ASIC2: variants seen among roughly 807,000 people sequenced by gnomAD.
ASIC2 encodes the protein acid-sensing ion channel 2.
Under a neutral mutation model 57.3 loss-of-function variants are expected in ASIC2, and 25 were observed. That is an observed-to-expected ratio of 0.44 (90% confidence interval 0.32 to 0.61). The LOEUF (loss-of-function observed/expected upper bound fraction) is 0.61. Among genes scored for constraint, ASIC2 ranks in the 20% least tolerant of loss-of-function variants. ASIC2 has a pLI of 0.06. For missense variants in ASIC2, 641 were observed against 738.1 expected (o/e 0.87, Z 1.52); for synonymous variants, 319 against 307.5 (o/e 1.04, Z -0.39).
intron 1 of ASIC2, among the ~76,000 whole-genome samples, chr17:33,601,640 A>G (rs1298928546): frequency 6.6e-6 from 1 of 152,238 alleles, no homozygotes; most frequent in Non-Finnish European, 1.5e-5. Flanking sequence ...AAGTCACTGC[A>G]GAAAGTTCCC....
At chr17:33,627,517 G>A (rs936428256) in intron 1 of ASIC2, among the ~76,000 whole-genome samples, 1 of 152,214 alleles carries the variant, frequency 6.6e-6, no homozygotes, top group Admixed American at 6.5e-5. Context: ...TGCCACTGAT[G>A]AAAAGTGTCT....
chr17:33,234,470 C>T (rs933116977), intron 1 of ASIC2, among the ~76,000 whole-genome samples: 7 of 152,144 alleles, frequency 4.6e-5, no homozygotes, highest in Non-Finnish European at 5.9e-5. Context: ...TTCAGAGTGG[C>T]CCTCTTCTCT....
chr17:33,513,240 G>A (rs1447944685), intron 1 of ASIC2, among the ~76,000 whole-genome samples: 2 of 152,132 alleles, frequency 1.3e-5, no homozygotes, highest in African/African-American at 4.8e-5. Context: ...TCACTCTCCT[G>A]TGTTGTTTTG....
chr17:33,878,400 A>G (rs1914608178), intron 1 of ASIC2, among the ~76,000 whole-genome samples: 1 of 152,216 alleles, frequency 6.6e-6, no homozygotes, highest in African/African-American at 2.4e-5. Flanking sequence ...ACTAATGCAG[A>G]TAAGTCCTTA....
chr17:33,312,804 C>A (rs1212173748), intron 1 of ASIC2, among the ~76,000 whole-genome samples: 1 of 151,902 alleles, frequency 6.6e-6, no homozygotes, highest in Non-Finnish European at 1.5e-5. Flanking sequence ...GGCATGGTGG[C>A]GCATGCCTGT....
intron 1 of ASIC2, among the ~76,000 whole-genome samples, chr17:33,460,137 G>A (rs1454416695): frequency 6.6e-6 from 1 of 152,126 alleles, no homozygotes; most frequent in East Asian, 1.9e-4. Context: ...CCTGACCTCG[G>A]TGTCCAGATT....
At chr17:33,045,282 G>T (rs570506765) in intron 3 of ASIC2, among the ~76,000 whole-genome samples, 2 of 152,140 alleles carry the variant, frequency 1.3e-5, no homozygotes, top group Non-Finnish European at 2.9e-5. Context: ...CATAAGAGCC[G>T]CCTCAGCAAG....
chr17:33,343,564 T>C (rs918307010), intron 1 of ASIC2, among the ~76,000 whole-genome samples: 1 of 152,206 alleles, frequency 6.6e-6, no homozygotes, highest in African/African-American at 2.4e-5. Flanking sequence ...CGGCTTGTTT[T>C]TTCCTATGCC....
intron 1 of ASIC2, chr17:33,635,060 G>C (rs537153339): frequency 2.6e-5 from 4 of 152,216 alleles, no homozygotes; most frequent in Non-Finnish European, 5.9e-5. Context: ...AGCAGGGAAA[G>C]AAGTAAATAT....
chr17:33,479,762 A>G (rs1201911629), intron 1 of ASIC2, among the ~76,000 whole-genome samples: 1 of 152,138 alleles, frequency 6.6e-6, no homozygotes, highest in Non-Finnish European at 1.5e-5. Flanking sequence ...TCGCAAGGAG[A>G]CAAGGGACCC....
chr17:33,552,498 G>A (rs1458418713), intron 1 of ASIC2, among the ~76,000 whole-genome samples: 1 of 152,196 alleles, frequency 6.6e-6, no homozygotes, highest in Non-Finnish European at 1.5e-5. Flanking sequence ...TAACAACAGG[G>A]ACTTGGTGTC....
intron 1 of ASIC2, among the ~76,000 whole-genome samples, chr17:33,355,914 T>C (rs1908355500): frequency 1.3e-5 from 2 of 152,128 alleles, no homozygotes; most frequent in South Asian, 4.1e-4. Flanking sequence ...GAAGTAGGAA[T>C]GATCAGGGGA....
intron 1 of ASIC2, among the ~76,000 whole-genome samples, chr17:33,159,351 C>CTT (rs11376128): frequency 7.2e-5 from 11 of 151,740 alleles, no homozygotes; most frequent in East Asian, 1.9e-4. Flanking sequence ...TCTCTGAGTT[C>CTT]TTTTTTTTGC....
chr17:33,597,483 C>G (rs1905016052), intron 1 of ASIC2, among the ~76,000 whole-genome samples: 1 of 152,138 alleles, frequency 6.6e-6, no homozygotes, highest in South Asian at 2.1e-4. Context: ...TGTCCCTGCT[C>G]TGCAAAATGG....
chr17:33,847,725 G>A (rs1012850150), intron 1 of ASIC2, among the ~76,000 whole-genome samples: 1 of 152,210 alleles, frequency 6.6e-6, no homozygotes, highest in Non-Finnish European at 1.5e-5. Flanking sequence ...AGATAGTCTA[G>A]AGGAAGAGGC....
At chr17:33,821,031 T>A (rs1274156365) in intron 1 of ASIC2, among the ~76,000 whole-genome samples, 1 of 152,234 alleles carries the variant, frequency 6.6e-6, no homozygotes, top group Non-Finnish European at 1.5e-5. Flanking sequence ...GCTTTAGAGC[T>A]AATGCTTGAG....
intron 1 of ASIC2, among the ~76,000 whole-genome samples, chr17:33,323,161 A>T (rs1329207994): frequency 1.3e-5 from 2 of 152,208 alleles, no homozygotes; most frequent in African/African-American, 4.8e-5. Context: ...ACCCTATGAC[A>T]TAACCATTCT....
chr17:33,599,270 A>G (rs1905065393), intron 1 of ASIC2, among the ~76,000 whole-genome samples: 1 of 152,188 alleles, frequency 6.6e-6, no homozygotes, highest in South Asian at 2.1e-4. Flanking sequence ...TGGTCTGGGG[A>G]ACAAAAGATA....
At chr17:33,098,877 C>T (rs1210395006) in intron 2 of ASIC2, among the ~76,000 whole-genome samples, 4 of 151,740 alleles carry the variant, frequency 2.6e-5, no homozygotes, top group East Asian at 1.9e-4. Context: ...GGGAAAGTCA[C>T]TCAATGTCTC....
Sources: allele counts gnomAD v4.1 joint callset (sites outside exome capture counted in the v4.1 genomes callset), GRCh38; gene constraint gnomAD v4.1.1; transcripts MANE v1.5; gene names NCBI Gene and HGNC (gene_info 2026-07-23, HGNC 2026-07-21).